Variants in CD247 observed in about 807,000 individuals in gnomAD.
The protein encoded by CD247 is CD247 molecule, also known as T-cell surface glycoprotein CD3 zeta chain.
A neutral mutation model predicts 30.0 loss-of-function variants in CD247; 13 were observed. That is an observed-to-expected ratio of 0.43 (90% CI 0.28 to 0.69). The LOEUF is 0.69. Among genes scored for constraint, CD247 ranks in the 30% least tolerant of loss-of-function variants. The pLI is 0.16. For missense variants in CD247, 193 were observed against 212.6 expected, an observed-to-expected ratio of 0.91 and a Z score of 0.57; for synonymous variants, 72 against 80.0, an observed-to-expected ratio of 0.90 and a Z score of 0.53.
chr1:167,492,853 T>G (rs1195703067), intron 1 of CD247, among the ~76,000 whole-genome samples: 1 of 152,022 alleles, frequency 6.6e-6, no homozygotes, highest in Admixed American at 6.5e-5. Context: ...AAAGGCATCA[T>G]TCCAGGAGCT....
chr1:167,455,147 C>G (rs909932153), intron 1 of CD247, among the ~76,000 whole-genome samples: 14 of 152,220 alleles, frequency 9.2e-5, no homozygotes, highest in Non-Finnish European at 1.8e-4. Context: ...TTTTCGGAGG[C>G]TGGGAGAGGA....
At chr1:167,507,331 G>A (rs528125142) in intron 1 of CD247, among the ~76,000 whole-genome samples, 1 of 152,184 alleles carries the variant, frequency 6.6e-6, no homozygotes, top group South Asian at 2.1e-4. Flanking sequence ...GGACTCTACA[G>A]GGAAAACATG....
intron 1 of CD247, among the ~76,000 whole-genome samples, chr1:167,490,661 A>G (rs542998083): frequency 5.3e-5 from 8 of 150,474 alleles, no homozygotes; most frequent in African/African-American, 1.7e-4. Flanking sequence ...GGTCGGGTAC[A>G]GTGACTCACG....
At chr1:167,471,134 G>A (rs538163731) in intron 1 of CD247, among the ~76,000 whole-genome samples, 56 of 152,194 alleles carry the variant, frequency 3.7e-4, no homozygotes, top group African/African-American at 1.3e-3. Flanking sequence ...GCTTCCCAAA[G>A]TGCTGGGATT....
chr1:167,461,846 G>A (rs547493091), intron 1 of CD247, among the ~76,000 whole-genome samples: 260 of 152,104 alleles, frequency 1.7e-3, no homozygotes, highest in African/African-American at 4.9e-3. Context: ...AAAAAAAAAA[G>A]GAGAAAATAG....
At chr1:167,510,471 C>A (rs1307665424) in intron 1 of CD247, among the ~76,000 whole-genome samples, 1 of 152,210 alleles carries the variant, frequency 6.6e-6, no homozygotes, top group Non-Finnish European at 1.5e-5. Context: ...AGGCTTTTCA[C>A]GTGATGGGTC....
intron 1 of CD247, among the ~76,000 whole-genome samples, chr1:167,487,325 G>A (rs1469094612): frequency 3.3e-5 from 5 of 152,144 alleles, no homozygotes; most frequent in African/African-American, 9.7e-5. Context: ...GCAGTGAGCC[G>A]AGATCGTGCC....
chr1:167,455,630 G>A (rs866682854), intron 1 of CD247, among the ~76,000 whole-genome samples: 2 of 152,232 alleles, frequency 1.3e-5, no homozygotes, highest in African/African-American at 4.8e-5. Context: ...CCGGGTTATC[G>A]CGCGTGATCT....
At chr1:167,443,328 T>A (rs566771382) in intron 1 of CD247, among the ~76,000 whole-genome samples, 27 of 152,184 alleles carry the variant, frequency 1.8e-4, no homozygotes, top group Admixed American at 1.7e-3. Context: ...TGAACTTCAG[T>A]GATGAGGAAG....
At position 167,473,264 on chromosome 1, in the gene CD247, G is replaced by A. The variant is rs138704334; in HGVS notation, c.59-32497C>T. Among the ~76,000 whole-genome samples the A allele has an allele frequency of 5.2e-3, 785 of 152,216 alleles. 12 individuals are homozygous for A. Among genetic ancestry groups the A allele is most frequent in the African/African-American group, 0.018 (754 of 41,544 alleles). On this transcript the variant is annotated intron_variant, in intron 1 of 7. Transcript: ENST00000362089. ...CAGCTGTCCCGAGCTGCCCTCCACC[G>A]CCCAGGGGGCAAGTGTGGTTTCTCC...
chr1:167,442,649 C>A (rs1467095239), intron 1 of CD247, among the ~76,000 whole-genome samples: 1 of 152,176 alleles, frequency 6.6e-6, no homozygotes, highest in Non-Finnish European at 1.5e-5. Context: ...CTGCCTACCC[C>A]TCCATGCCAG....
intron 1 of CD247, among the ~76,000 whole-genome samples, chr1:167,490,739 C>G (rs916469138): frequency 6.6e-6 from 1 of 152,074 alleles, no homozygotes; most frequent in African/African-American, 2.4e-5. Flanking sequence ...TCGAGACCAG[C>G]CTTCGTCTCT....
intron 1 of CD247, among the ~76,000 whole-genome samples, chr1:167,475,397 G>A (rs2102055537): frequency 6.6e-6 from 1 of 152,038 alleles, no homozygotes; most frequent in East Asian, 1.9e-4. Context: ...TATAAATAAA[G>A]GGAAGAAATC....
chr1:167,481,533 G>C (rs1367510904), intron 1 of CD247, among the ~76,000 whole-genome samples: 1 of 152,202 alleles, frequency 6.6e-6, no homozygotes, highest in African/African-American at 2.4e-5. Context: ...TCTATAATGT[G>C]GGTGGGGGCG....
chr1:167,492,344 C>T (rs1464405381), intron 1 of CD247, among the ~76,000 whole-genome samples: 1 of 152,130 alleles, frequency 6.6e-6, no homozygotes, highest in Non-Finnish European at 1.5e-5. Flanking sequence ...AAAGGCTTAA[C>T]CCCTGCGGCG....
intron 1 of CD247, among the ~76,000 whole-genome samples, chr1:167,454,466 A>C (rs1406012130): frequency 6.6e-6 from 1 of 152,276 alleles, no homozygotes; most frequent in Admixed American, 6.5e-5. Context: ...CAGGGCAGAA[A>C]GTGGAGGAAC....
chr1:167,459,278 G>A (rs1377874139), intron 1 of CD247, among the ~76,000 whole-genome samples: 1 of 151,730 alleles, frequency 6.6e-6, no homozygotes, highest in African/African-American at 2.4e-5. Context: ...GTAAAGAAAT[G>A]GGTCCAATTG....
intron 1 of CD247, among the ~76,000 whole-genome samples, chr1:167,460,604 A>T (rs12061581): frequency 0.049 from 7,400 of 152,110 alleles, 427 homozygotes; most frequent in African/African-American, 0.14. Context: ...TTCTTTTTTT[A>T]AAAATTATAC....
rs1219465650 is a variant in CD247 at position 167,494,642 on chromosome 1, G to A, written c.58+23766C>T. Among the ~76,000 whole-genome samples, 1 of 152,120 alleles carries A rather than the reference G, an allele frequency of 6.6e-6. No individual in the cohort carries two copies. The highest frequency in any genetic ancestry group is 2.4e-5 in the African/African-American group (1 of 41,406). On this transcript the variant is annotated intron_variant, in intron 1 of 7. Coordinates refer to ENST00000362089, the MANE Select transcript of CD247 (RefSeq NM_198053.3). The surrounding 1 kb of genome is among the most constrained non-coding windows in gnomAD (Gnocchi z 7.3). ...TTTTCCTAATTGTATTTTGCACTGT[G>A]GCTTTACACAGCCCATGTCTCTGGA...
Sources: allele counts gnomAD v4.1 joint callset (sites outside exome capture counted in the v4.1 genomes callset), GRCh38; gene constraint gnomAD v4.1.1; non-coding constraint Gnocchi (gnomAD v3.1); transcripts MANE v1.5; gene names NCBI Gene and HGNC (gene_info 2026-07-23, HGNC 2026-07-21).